Variants in PTCHD4 observed in about 807,000 individuals in gnomAD.
The protein encoded by PTCHD4 is patched domain containing 4.
Under a neutral mutation model 58.1 loss-of-function variants are expected in PTCHD4, and 33 were observed. That is an observed-to-expected ratio of 0.57 (90% CI 0.43 to 0.76). PTCHD4 has a LOEUF of 0.76. PTCHD4 is among the 30% of genes least tolerant of loss of function. PTCHD4 has a pLI of 0.00. For synonymous variants in PTCHD4, 478 were observed against 409.6 expected, an observed-to-expected ratio of 1.17 and a Z score of -2.02; for missense variants, 1,058 against 1,027.1, an observed-to-expected ratio of 1.03 and a Z score of -0.41.
In PTCHD4 at chr6:48,009,065, A is replaced by C. The variant is rs1453875186; in HGVS notation, c.467T>G (p.Val156Gly). ...GACCCGCTGATCTTTGCTGTTTGGC[A>C]CTTCCACTACCCCGCCCAGTTGGTG... is the stretch of plus-strand genomic sequence containing the variant. ...IGHQLGGVVE[V>G]PNSKDQRVKS... Residue 156 changes from valine to glycine, a missense_variant, in exon 4 of 5, where the codon GTG becomes GGG. Val to Gly is a moderately radical substitution (Grantham distance 109). Coordinates refer to ENST00000339488, the MANE Select transcript of PTCHD4 (RefSeq NM_001384253.1). The C allele has an allele frequency of 6.2e-7, 1 of 1,613,790 alleles. No homozygotes were observed.
intron 4 of PTCHD4, among the ~76,000 whole-genome samples, chr6:47,925,142 A>G (rs1765563942): frequency 6.7e-6 from 1 of 150,084 alleles, no homozygotes; most frequent in Admixed American, 6.7e-5. Context: ...TATGCTTTTA[A>G]TATATATGTA....
At chr6:48,016,549 A>G (rs1762874645) in intron 3 of PTCHD4, among the ~76,000 whole-genome samples, 1 of 151,954 alleles carries the variant, frequency 6.6e-6, no homozygotes. Flanking sequence ...AAGGTGAATC[A>G]TTGGAATTAC....
At chr6:47,993,427 C>A (rs762880865) in intron 4 of PTCHD4, among the ~76,000 whole-genome samples, 19 of 152,180 alleles carry the variant, frequency 1.2e-4, no homozygotes, top group Non-Finnish European at 2.5e-4. Flanking sequence ...TTGGAGAAAG[C>A]AGACTCTAGG....
rs946585295 is a variant in PTCHD4, at chr6:47,868,531, T to G, written c.*9772A>C. Among the ~76,000 whole-genome samples, 5 of 151,788 alleles carry G rather than the reference T, an allele frequency of 3.3e-5. No homozygotes were observed. In the East Asian group the frequency reaches 9.7e-4, roughly 29 times the overall value. On this transcript the variant is annotated 3_prime_UTR_variant, in exon 5 of 5. Transcript: ENST00000339488. ...GTCTTTTATATTTTTCTTCACTGAA[T>G]GGATAATTACTGAACGTCTGCAAAG...
chr6:47,953,822 A>C (rs1019188587), intron 4 of PTCHD4, among the ~76,000 whole-genome samples: 11 of 152,200 alleles, frequency 7.2e-5, no homozygotes, highest in African/African-American at 2.7e-4. Context: ...TTTAATTTTG[A>C]ATGCTGTCTG....
rs1339013429 is a variant in PTCHD4 at position 48,069,411 on chromosome 6, A to G, written c.-454T>C. Among the ~76,000 whole-genome samples, 1 of 152,128 alleles carries G rather than the reference A, an allele frequency of 6.6e-6. No homozygotes were observed. Among genetic ancestry groups the G allele is most frequent in the Non-Finnish European group, 1.5e-5 (1 of 68,014 alleles). On this transcript the variant is annotated 5_prime_UTR_variant, in exon 2 of 5. Coordinates refer to ENST00000339488, the MANE Select transcript of PTCHD4 (RefSeq NM_001384253.1). ...CAGGAGACAGCCTTCTCGCCCCTCC[A>G]GTTTCCCTGTGCCCTCGAATTCTGC...
Position 48,059,805 on chromosome 6 carries a change from A to G in PTCHD4, c.417+8425T>C, listed in dbSNP as rs367689297. ...CCATCACTCTTTAACCTCTATCCACAGTGTCTTTCCTTCAGTGCTTCTAGG... is the reference window on the plus strand; with the variant it reads ...CCATCACTCTTTAACCTCTATCCACGGTGTCTTTCCTTCAGTGCTTCTAGG... On this transcript the variant is annotated intron_variant, in intron 3 of 4. Transcript: ENST00000339488. Among the ~76,000 whole-genome samples the G allele has an allele frequency of 2.5e-4, 38 of 152,126 alleles. No homozygotes were observed. In the East Asian group the frequency reaches 2.9e-3, roughly 12 times the overall value.
At chr6:48,059,766 C>G (rs1764552081) in intron 3 of PTCHD4, among the ~76,000 whole-genome samples, 2 of 152,104 alleles carry the variant, frequency 1.3e-5, no homozygotes, top group South Asian at 4.1e-4. Flanking sequence ...TTACATGACC[C>G]TCAGCACTCA....
In PTCHD4 at chr6:47,878,075, C is replaced by T. The variant is rs534859144; in HGVS notation, c.*228G>A. Reference sequence around the variant, plus strand: ...CTTGGAAGAGCTCTCAGATTACATCCAGAAACTTGTTTTTAGAGGAGAACA... The same window carrying T: ...CTTGGAAGAGCTCTCAGATTACATCTAGAAACTTGTTTTTAGAGGAGAACA... On this transcript the variant is annotated 3_prime_UTR_variant, in exon 5 of 5. Coordinates refer to ENST00000339488, the MANE Select transcript of PTCHD4 (RefSeq NM_001384253.1). 8.6e-5 allele frequency: 36 copies of T among 416,502 alleles called. No homozygotes were observed. Among genetic ancestry groups the T allele is most frequent in the African/African-American group, 7.2e-4 (35 of 48,868 alleles). The allele number at this position is 416,502 out of a possible 1,614,324, so 25.8% of individuals were successfully genotyped here. A position where few individuals can be genotyped will look rare whatever the true frequency, so the allele number is the denominator to read the frequency against.
intron 3 of PTCHD4, among the ~76,000 whole-genome samples, chr6:48,044,266 C>T (rs899147349): frequency 2.0e-5 from 3 of 151,842 alleles, no homozygotes; most frequent in South Asian, 4.1e-4. Flanking sequence ...CTGCTGTTAT[C>T]TGGAACTACA....
chr6:47,982,366 A>G (rs1767909683), intron 4 of PTCHD4, among the ~76,000 whole-genome samples: 1 of 151,664 alleles, frequency 6.6e-6, no homozygotes, highest in African/African-American at 2.4e-5. Flanking sequence ...ACGGTGCTTA[A>G]TATTTTATCT....
Position 47,879,029 on chromosome 6 carries a change from A to G in PTCHD4, c.1806T>C (p.Ala602=). 6 of 1,613,538 alleles carry G rather than the reference A, an allele frequency of 3.7e-6. No homozygotes were observed. Among genetic ancestry groups the G allele is most frequent in the East Asian group, 2.2e-5 (1 of 44,858 alleles). The part of the protein sequence containing the change: ...SKAGDESNII[A]SRLYLVARTS... ...TCCTGGCCACCAGATACAAGCGAGA[A>G]GCAATGATATTGCTTTCATCCCCTG... is the stretch of plus-strand genomic sequence containing the variant. Residue 602 remains alanine (A), a synonymous_variant, in exon 5 of 5, where the codon GCT becomes GCC. Transcript: ENST00000339488.
intron 1 of PTCHD4, among the ~76,000 whole-genome samples, chr6:48,092,613 T>C (rs564850313): frequency 6.6e-6 from 1 of 152,334 alleles, no homozygotes; most frequent in South Asian, 2.1e-4. Flanking sequence ...CTTGACATCT[T>C]AATCAATGAT....
intron 1 of PTCHD4, among the ~76,000 whole-genome samples, chr6:48,106,197 C>A (rs1441739325): frequency 6.6e-6 from 1 of 152,106 alleles, no homozygotes; most frequent in Non-Finnish European, 1.5e-5. Flanking sequence ...ATGCAAAAAT[C>A]CTCAATAAAA....
Position 47,878,321 on chromosome 6 carries a change from A to G in PTCHD4, c.2514T>C (p.Asp838=). 1 of 1,599,008 alleles carries G rather than the reference A, an allele frequency of 6.3e-7. No individual in the cohort carries two copies. Among genetic ancestry groups the G allele is most frequent in the Non-Finnish European group, 8.5e-7 (1 of 1,172,950 alleles). ...ATACCCCTCATACTGTGGTGACGTG[A>G]TCCGGGTTCTCTTGAATTTCTATGC... ...IECIEIQENP[D]HVTTV is the part of the protein sequence containing the mutation. Residue 838 remains aspartate, a synonymous_variant, in exon 5 of 5, where the codon GAT becomes GAC. Transcript: ENST00000339488.
At chr6:47,964,298 A>G (rs1274296181) in intron 4 of PTCHD4, among the ~76,000 whole-genome samples, 1 of 152,074 alleles carries the variant, frequency 6.6e-6, no homozygotes, top group Non-Finnish European at 1.5e-5. Flanking sequence ...AGGAGGATAC[A>G]GCTCATGTTA....
chr6:48,084,940 CA>C (rs1347239562), intron 1 of PTCHD4, among the ~76,000 whole-genome samples: 1 of 151,798 alleles, frequency 6.6e-6, no homozygotes, highest in Non-Finnish European at 1.5e-5. Flanking sequence ...GACGGTGTTT[CA>C]CCATGTTGCC....
At chr6:48,062,930 G>C (rs548871985) in intron 3 of PTCHD4, among the ~76,000 whole-genome samples, 1 of 152,094 alleles carries the variant, frequency 6.6e-6, no homozygotes, top group African/African-American at 2.4e-5. Flanking sequence ...AGAAGCTGAC[G>C]CCTACATTGG....
intron 3 of PTCHD4, among the ~76,000 whole-genome samples, chr6:48,059,685 G>T (rs541710606): frequency 6.6e-6 from 1 of 152,014 alleles, no homozygotes; most frequent in Non-Finnish European, 1.5e-5. Flanking sequence ...TAGACTTAAT[G>T]GGGGTAGGTC....
Sources: allele counts gnomAD v4.1 joint callset (sites outside exome capture counted in the v4.1 genomes callset), GRCh38; gene constraint gnomAD v4.1.1; transcripts MANE v1.5; gene names NCBI Gene and HGNC (gene_info 2026-07-23, HGNC 2026-07-21).